SLC5A7: variants seen among roughly 807,000 people sequenced by gnomAD.
SLC5A7 encodes high affinity choline transporter 1.
A neutral mutation model predicts 55.4 loss-of-function variants in SLC5A7; 19 were observed. The observed-to-expected ratio is 0.34, with a 90% confidence interval of 0.24 to 0.50. SLC5A7 has a LOEUF of 0.50. Among genes scored for constraint, SLC5A7 ranks in the 20% least tolerant of loss-of-function variants. SLC5A7 has a pLI of 0.98. For synonymous variants in SLC5A7, 265 were observed against 263.7 expected, an observed-to-expected ratio of 1.00 and a Z score of -0.05; for missense variants, 506 against 705.3, an observed-to-expected ratio of 0.72 and a Z score of 3.20.
chr2:108,005,966 G>GC (rs1678098846), intron 6 of SLC5A7, 83 bp from the exon 7 acceptor site: 1 of 1,537,830 alleles, frequency 6.5e-7, no homozygotes, highest in Non-Finnish European at 8.8e-7. Context: ...TTGTACTTAG[G>GC]CCTATTCTAA....
intron 6 of SLC5A7, among the ~76,000 whole-genome samples, 163 bp downstream of exon 6, chr2:108,002,203 G>A (rs1044645509): frequency 1.3e-5 from 2 of 152,112 alleles, no homozygotes; most frequent in Non-Finnish European, 2.9e-5. Context: ...CCGGACTATC[G>A]TGGCTGGCAG....
intron 6 of SLC5A7, among the ~76,000 whole-genome samples, chr2:108,005,835 C>T (rs749239176): frequency 2.3e-4 from 35 of 152,140 alleles, no homozygotes; most frequent in Non-Finnish European, 4.1e-4. Flanking sequence ...ATACCATCAC[C>T]TTGGGGATCA....
At chr2:107,991,490 T>C (rs946346522) in intron 2 of SLC5A7, among the ~76,000 whole-genome samples, 2 of 152,118 alleles carry the variant, frequency 1.3e-5, no homozygotes, top group Non-Finnish European at 2.9e-5. Context: ...TACAACTTAG[T>C]GGTGATGGAG....
chr2:107,989,380 C>T (rs6542746), intron 2 of SLC5A7, among the ~76,000 whole-genome samples: 82,913 of 151,980 alleles, frequency 0.55, 22,905 homozygotes, highest in South Asian at 0.75. Context: ...TGGGGAGAGG[C>T]CATTCATGTT....
Position 107,988,290 on chromosome 2 carries a change from T to G in SLC5A7, c.135T>G (p.Gly45=). 6.2e-7 allele frequency: 1 copy of G among 1,614,070 alleles called. No individual in the cohort carries two copies. The highest frequency in any genetic ancestry group is 8.5e-7 in the Non-Finnish European group (1 of 1,179,950). ...AGCGCAGCGAAGCCATCATAGTTGG[T>G]GGCCGAGATATTGGTTTATTGGTTG... The part of the protein sequence containing the change: ...AEERSEAIIV[G]GRDIGLLVGG... Residue 45 remains glycine (G), a synonymous_variant, in exon 2 of 9, where the codon GGT becomes GGG. Transcript: ENST00000264047.
chr2:108,005,245 GT>G (rs1214373508), intron 6 of SLC5A7, among the ~76,000 whole-genome samples: 1 of 152,186 alleles, frequency 6.6e-6, no homozygotes, highest in East Asian at 1.9e-4. Flanking sequence ...TAGAAAGTAA[GT>G]TCCAGGGAAA....
At chr2:108,008,416 A>G in intron 7 of SLC5A7, 49 bp from the exon 8 acceptor site, 1 of 1,481,414 alleles carries the variant, frequency 6.8e-7, no homozygotes, top group Non-Finnish European at 9.4e-7. Context: ...ATGGATAAAG[A>G]ACATTTGGTT....
rs1043222285 is a variant in SLC5A7 at position 108,008,406 on chromosome 2, A to G, written c.896-59A>G. ...AACCTAGTAAATAGGATGACCCCAGATGGATAAAGAACATTTGGTTCCTTG... is the reference window on the plus strand; with the variant it reads ...AACCTAGTAAATAGGATGACCCCAGGTGGATAAAGAACATTTGGTTCCTTG... On this transcript the variant is annotated intron_variant, in intron 7 of 8. Transcript: ENST00000264047. 1.2e-5 allele frequency: 17 copies of G among 1,377,652 alleles called. No homozygotes were observed. In the African/African-American group the frequency reaches 2.1e-4, roughly 17 times the overall value. The allele number at this position is 1,377,652 out of a possible 1,614,324, so 85.3% of individuals were successfully genotyped here.
rs180844471 is a variant in SLC5A7, at chr2:108,001,180, T to C, written c.598-717T>C. 1.1e-3 allele frequency among the ~76,000 whole-genome samples: 163 copies of C among 152,070 alleles called. 4 individuals carry two copies. The East Asian group carries it at 0.024, about 22-fold the overall frequency. On this transcript the variant is annotated intron_variant, in intron 5 of 8. Transcript: ENST00000264047. Reference sequence around the variant, plus strand: ...CCCCACCCACACACAAGGGGATATATATCTCAATAGCTACGTATCTATTTA... The same window carrying C: ...CCCCACCCACACACAAGGGGATATACATCTCAATAGCTACGTATCTATTTA...
chr2:107,993,029 C>T lies in SLC5A7; in HGVS notation c.350C>T (p.Pro117Leu), dbSNP rs983098939. The T allele has an allele frequency of 3.7e-6, 6 of 1,614,180 alleles. No homozygotes were observed. Among genetic ancestry groups the T allele is most frequent in the Non-Finnish European group, 5.1e-6 (6 of 1,180,026 alleles). ...RSKGYVTMLD[P>L]FQQIYGKRMG... ...AAGGGGTATGTGACCATGTTAGACC[C>T]GTTTCAGCAAATCTATGGAAAACGC... Residue 117 changes from proline to leucine, a missense_variant, in exon 4 of 9, where the codon CCG (proline) becomes CTG (leucine). Transcript: ENST00000264047.
In SLC5A7 at chr2:108,011,788, A is replaced by G. The variant is rs1322169147; in HGVS notation, c.*927A>G. ...AGCTACACAGCATCTGTTACGGTTA[A>G]TGAGAGGCACACTGCTAAATTTACG... is the stretch of plus-strand genomic sequence containing the variant. On this transcript the variant is annotated 3_prime_UTR_variant, in exon 9 of 9. Transcript: ENST00000264047. 1.3e-5 allele frequency: 2 copies of G among 152,108 alleles called. No individual in the cohort carries two copies. Among genetic ancestry groups the G allele is most frequent in the Non-Finnish European group, 2.9e-5 (2 of 68,014 alleles). 9.4% of individuals were successfully genotyped at this position (152,108 alleles called of 1,614,324 possible). A position where few individuals can be genotyped will look rare whatever the true frequency, so the allele number is the denominator to read the frequency against.
intron 2 of SLC5A7, among the ~76,000 whole-genome samples, chr2:107,989,681 A>G (rs934819927): frequency 1.2e-4 from 18 of 152,196 alleles, no homozygotes; most frequent in Non-Finnish European, 5.9e-5. Flanking sequence ...GCTGTGCCAC[A>G]TGCAGCCCTG....
chr2:107,992,862 T>A, intron 3 of SLC5A7, 110 bp from the exon 4 acceptor site: 3 of 1,157,122 alleles, frequency 2.6e-6, no homozygotes, highest in Non-Finnish European at 3.7e-6. Flanking sequence ...TGTTCCTCAA[T>A]CCATACAGGT....
intron 4 of SLC5A7, among the ~76,000 whole-genome samples, chr2:107,993,750 T>G (rs1236401166): frequency 6.6e-6 from 1 of 152,222 alleles, no homozygotes; most frequent in Non-Finnish European, 1.5e-5. Flanking sequence ...TTAAATAAAA[T>G]GTTTAATTAA....
chr2:107,999,538 T>A (rs1430550617), intron 5 of SLC5A7, among the ~76,000 whole-genome samples: 1 of 152,228 alleles, frequency 6.6e-6, no homozygotes, highest in Non-Finnish European at 1.5e-5. Flanking sequence ...TGTAGCCAAA[T>A]TGATAAGGAA....
rs1328615722 is a variant in SLC5A7, at chr2:108,010,416, A to G, written c.1298A>G (p.Tyr433Cys). ...CVLFVKGTNTYGAVAGYVSGL... is the reference protein window; with the variant it reads ...CVLFVKGTNTCGAVAGYVSGL... The stretch of plus-strand genomic sequence containing the variant: ...CTCTTTGTTAAGGGAACCAACACCT[A>G]TGGGGCCGTGGCAGGTTATGTTTCT... Residue 433 changes from tyrosine (Y) to cysteine (C), a missense_variant, in exon 9 of 9, where the codon TAT (tyrosine) becomes TGT (cysteine). Coordinates refer to ENST00000264047, the MANE Select transcript of SLC5A7 (RefSeq NM_021815.5). 3.7e-6 allele frequency: 6 copies of G among 1,613,856 alleles called. No individual in the cohort carries two copies. Among genetic ancestry groups the G allele is most frequent in the East Asian group, 2.2e-5 (1 of 44,860 alleles).
In SLC5A7 at chr2:108,011,455, AC is replaced by A. The variant is rs1678324892; in HGVS notation, c.*595del. ...TTCTGAGCACGGGCAAAGAAAACAC[AC>A]AAAAGATTATGTATTGGCATTTATT... On this transcript the variant is annotated 3_prime_UTR_variant, in exon 9 of 9. Transcript: ENST00000264047. The A allele has an allele frequency of 6.6e-6, 1 of 152,196 alleles. No individual in the cohort carries two copies. The highest frequency in any genetic ancestry group is 1.5e-5 in the Non-Finnish European group (1 of 68,022). The allele number at this position is 152,196 out of a possible 1,614,324, so 9.4% of individuals were successfully genotyped here.
rs1216195616 is a variant in SLC5A7 at position 107,993,033 on chromosome 2, T to C, written c.354T>C (p.Phe118=). 1 of 1,614,132 alleles carries C rather than the reference T, an allele frequency of 6.2e-7. No homozygotes were observed. Among genetic ancestry groups the C allele is most frequent in the Admixed American group, 1.7e-5 (1 of 60,014 alleles). The change falls in exon 4 of 9, where the codon TTT becomes TTC. Residue 118 remains phenylalanine (F), a synonymous_variant. Coordinates refer to ENST00000264047, the MANE Select transcript of SLC5A7 (RefSeq NM_021815.5). The stretch of plus-strand genomic sequence containing the variant: ...GGTATGTGACCATGTTAGACCCGTT[T>C]CAGCAAATCTATGGAAAACGCATGG... ...SKGYVTMLDP[F]QQIYGKRMGG...
chr2:107,993,120 T>C lies in SLC5A7; in HGVS notation c.441T>C (p.Ser147=), dbSNP rs376373770. 1.4e-5 allele frequency: 23 copies of C among 1,614,192 alleles called. No individual in the cohort carries two copies. The highest frequency in any genetic ancestry group is 1.9e-5 in the Non-Finnish European group (23 of 1,180,012). The change falls in exon 4 of 9, where the codon TCT becomes TCC. Residue 147 remains serine (S), a synonymous_variant. Coordinates refer to ENST00000264047, the MANE Select transcript of SLC5A7 (RefSeq NM_021815.5). ...TGTTCTGGGCTGCAGCAATTTTCTC[T>C]GCTTTGGGTAAGGACCAGCTAAGTT... is the stretch of plus-strand genomic sequence containing the variant. ...GEMFWAAAIF[S]ALGATISVII...
Sources: gnomAD v4.1 joint callset for allele counts (sites outside exome capture counted in the v4.1 genomes callset) on GRCh38, gnomAD v4.1.1 for gene constraint, MANE v1.5 for transcripts, NCBI Gene and HGNC (gene_info 2026-07-23, HGNC 2026-07-21) for gene names.